The following TMTC2 variants were observed in gnomAD, a reference collection of about 807,000 sequenced individuals.
TMTC2 encodes protein O-mannosyl-transferase TMTC2.
In TMTC2, 43 loss-of-function variants were observed where a neutral mutation model predicts 82.4. That is an observed-to-expected ratio of 0.52 (90% confidence interval 0.41 to 0.67). TMTC2 has a LOEUF of 0.67. Ranked by LOEUF, TMTC2 falls within the 30% of genes least tolerant of loss-of-function variation. The probability of loss-of-function intolerance (pLI) is 0.00; values close to 1 mark genes in which losing one functional copy is unlikely to be tolerated. For synonymous variants in TMTC2, 408 were observed against 381.9 expected, an observed-to-expected ratio of 1.07 and a Z score of -0.80; for missense variants, 919 against 1,012.4, an observed-to-expected ratio of 0.91 and a Z score of 1.25.
chr12:82,764,054 T>A (rs7297682), intron 1 of TMTC2, among the ~76,000 whole-genome samples: 149,242 of 152,330 alleles, frequency 0.98, 73,176 homozygotes, highest in East Asian at 1. Context: ...TCATTTAGTT[T>A]TAGGAAAATT....
intron 11 of TMTC2, among the ~76,000 whole-genome samples, chr12:83,093,299 A>G (rs1883904651): frequency 6.6e-6 from 1 of 152,208 alleles, no homozygotes; most frequent in Admixed American, 6.5e-5. Flanking sequence ...ACATTTTTAC[A>G]TGTTCTGCCC....
At chr12:82,851,598 G>A (rs1467854259) in intron 1 of TMTC2, among the ~76,000 whole-genome samples, 1 of 152,172 alleles carries the variant, frequency 6.6e-6, no homozygotes, top group East Asian at 1.9e-4. Flanking sequence ...CACAACTTTA[G>A]TGTATCCAGT....
intron 1 of TMTC2, chr12:82,758,638 A>T (rs1300362953): frequency 6.6e-6 from 1 of 152,164 alleles, no homozygotes; most frequent in East Asian, 1.9e-4. Flanking sequence ...AGAATGTTAG[A>T]TGTATGACCT....
At chr12:82,913,295 AG>A (rs1874806956) in intron 3 of TMTC2, among the ~76,000 whole-genome samples, 1 of 152,114 alleles carries the variant, frequency 6.6e-6, no homozygotes, top group Non-Finnish European at 1.5e-5. Flanking sequence ...CAGAAGCAAG[AG>A]GCTGTGCACT....
At chr12:83,106,219 T>C (rs1177307286) in intron 11 of TMTC2, among the ~76,000 whole-genome samples, 4 of 152,090 alleles carry the variant, frequency 2.6e-5, no homozygotes, top group Admixed American at 2.6e-4. Context: ...ATAGTGACTA[T>C]CTTGGAATTT....
Position 82,687,660 on chromosome 12 carries a change from A to G in TMTC2, c.74A>G (p.Tyr25Cys), listed in dbSNP as rs1432404323. Residue 25 changes from tyrosine to cysteine, a missense_variant, in exon 1 of 12, where the codon TAT (tyrosine) becomes TGT (cysteine). Tyr to Cys is a radical substitution (Grantham distance 194). Transcript: ENST00000321196. The part of the protein sequence containing the change: ...YLNTLSADFC[Y>C]DDSRAIKTNQ... ...AACACCCTGAGTGCGGATTTCTGCTATGATGACAGGTAAGGGGCCGAGAGG... is the reference window on the plus strand; with the variant it reads ...AACACCCTGAGTGCGGATTTCTGCTGTGATGACAGGTAAGGGGCCGAGAGG... The G allele has an allele frequency of 5.6e-6, 9 of 1,604,258 alleles. No individual in the cohort carries two copies. The African/African-American group carries it at 6.7e-5, about 12-fold the overall frequency.
intron 2 of TMTC2, among the ~76,000 whole-genome samples, chr12:82,876,591 CTCA>C (rs1872594641): frequency 6.6e-6 from 1 of 152,134 alleles, no homozygotes; most frequent in African/African-American, 2.4e-5. Flanking sequence ...GTTTTTTAAA[CTCA>C]TCAGGCCAAA....
chr12:82,749,761 G>A (rs934273456), intron 1 of TMTC2, among the ~76,000 whole-genome samples: 1 of 128,748 alleles, frequency 7.8e-6, no homozygotes, highest in African/African-American at 3.1e-5. Flanking sequence ...TTTTTGAGGC[G>A]GAGTCTCGCT....
At chr12:83,119,051 G>A (rs1033005716) in intron 11 of TMTC2, among the ~76,000 whole-genome samples, 4 of 151,864 alleles carry the variant, frequency 2.6e-5, no homozygotes, top group African/African-American at 9.7e-5. Context: ...TTTTTTCTTG[G>A]TTAATCTTGC....
intron 1 of TMTC2, among the ~76,000 whole-genome samples, chr12:82,703,864 C>T (rs1401184029): frequency 1.3e-5 from 2 of 152,144 alleles, no homozygotes; most frequent in Non-Finnish European, 2.9e-5. Context: ...GACATCAAGA[C>T]ATGTTAGAAT....
At chr12:82,755,748 C>A (rs1876278271) in intron 1 of TMTC2, among the ~76,000 whole-genome samples, 1 of 152,124 alleles carries the variant, frequency 6.6e-6, no homozygotes, top group African/African-American at 2.4e-5. Context: ...TGAAATAGAC[C>A]TGATTGACAC....
rs1314292911 is a variant in TMTC2 at position 82,751,234 on chromosome 12, G to T, written c.83+63565G>T. On this transcript the variant is annotated intron_variant, in intron 1 of 11. Coordinates refer to ENST00000321196, the MANE Select transcript of TMTC2 (RefSeq NM_152588.3). ...AAAAAATGATGAGTTCATGTCCTTT[G>T]TAGGGACGTGGATGAAATTGGAAAT... is the stretch of plus-strand genomic sequence containing the variant. Among the ~76,000 whole-genome samples the T allele has an allele frequency of 2.0e-5, 3 of 152,276 alleles. No individual in the cohort carries two copies. The East Asian group carries it at 5.8e-4, about 29-fold the overall frequency.
rs78019700 is a variant in TMTC2, at chr12:82,879,968, G to A, written c.655-15850G>A. Among the ~76,000 whole-genome samples, 466 of 152,284 alleles carry A rather than the reference G, an allele frequency of 3.1e-3. 1 individual carries two copies. Among genetic ancestry groups the A allele is most frequent in the African/African-American group, 0.011 (445 of 41,544 alleles). On this transcript the variant is annotated intron_variant, in intron 2 of 11. Transcript: ENST00000321196. ...TGGGAGGAATAAAGTGATGTAACAGGTGTTTAAATTCATTAGGCAATTATA... is the reference window on the plus strand; with the variant it reads ...TGGGAGGAATAAAGTGATGTAACAGATGTTTAAATTCATTAGGCAATTATA...
intron 11 of TMTC2, among the ~76,000 whole-genome samples, chr12:83,129,389 A>T (rs1406325211): frequency 1.3e-5 from 2 of 152,204 alleles, no homozygotes; most frequent in African/African-American, 4.8e-5. Flanking sequence ...CCCCATTACA[A>T]TTAGCATTTA....
In TMTC2 at chr12:83,133,800, A is replaced by G. The variant is rs377301509; in HGVS notation, c.*1411A>G. 12 of 152,334 alleles carry G rather than the reference A, an allele frequency of 7.9e-5. No homozygotes were observed. In the South Asian group the frequency reaches 2.5e-3, roughly 32 times the overall value. 9.4% of individuals were successfully genotyped at this position (152,334 alleles called of 1,614,324 possible). On this transcript the variant is annotated 3_prime_UTR_variant, in exon 12 of 12. Transcript: ENST00000321196. ...CAACTTCTTCACAGAGAAAGTAGCT[A>G]TACTATACCCTACATATTTATTTAT... is the stretch of plus-strand genomic sequence containing the variant.
intron 1 of TMTC2, among the ~76,000 whole-genome samples, chr12:82,730,665 G>C (rs1207562557): frequency 6.6e-6 from 1 of 152,162 alleles, no homozygotes; most frequent in Non-Finnish European, 1.5e-5. Flanking sequence ...TTAAGAGTGA[G>C]GTAGTTAAGT....
chr12:82,818,586 G>A (rs1480387094), intron 1 of TMTC2, among the ~76,000 whole-genome samples: 5 of 152,096 alleles, frequency 3.3e-5, no homozygotes, highest in Admixed American at 6.5e-5. Flanking sequence ...AAATGTAAAG[G>A]CATCCCCTTG....
rs115570220 is a variant in TMTC2, at chr12:83,021,153, T to C, written c.2071-9645T>C. 8.5e-3 allele frequency among the ~76,000 whole-genome samples: 1,301 copies of C among 152,258 alleles called. 24 individuals are homozygous for C. The highest frequency in any genetic ancestry group is 0.03 in the African/African-American group (1,233 of 41,542). Reference sequence around the variant, plus strand: ...TTTTTTGCTGTTGCTTTTCCCATTTTCCCCCCTTGGCATTCTTGCAAGTCT... The same window carrying C: ...TTTTTTGCTGTTGCTTTTCCCATTTCCCCCCCTTGGCATTCTTGCAAGTCT... On this transcript the variant is annotated intron_variant, in intron 8 of 11. Transcript: ENST00000321196.
intron 2 of TMTC2, among the ~76,000 whole-genome samples, chr12:82,891,470 G>A (rs567424844): frequency 1.8e-3 from 275 of 152,054 alleles, no homozygotes; most frequent in Non-Finnish European, 2.9e-3. Context: ...CACCACGCCT[G>A]GCTAATTTTG....
Sources: gnomAD v4.1 joint callset for allele counts (sites outside exome capture counted in the v4.1 genomes callset) on GRCh38, gnomAD v4.1.1 for gene constraint, MANE v1.5 for transcripts, NCBI Gene and HGNC (gene_info 2026-07-23, HGNC 2026-07-21) for gene names.